The following HNRNPU variants were observed in gnomAD, a reference collection of about 807,000 sequenced individuals.
HNRNPU encodes the protein HNRNPU antisense RNA 1.
Under a neutral mutation model 94.7 loss-of-function variants are expected in HNRNPU, and 5 were observed. The ratio of observed to expected loss-of-function variants is 0.05; its 90% CI spans 0.03 to 0.11. The LOEUF is 0.11. Among genes scored for constraint, HNRNPU ranks in the 10% least tolerant of loss-of-function variants. The probability of loss-of-function intolerance (pLI) is 1.00; values close to 1 mark genes in which losing one functional copy is unlikely to be tolerated. For missense variants in HNRNPU, 710 were observed against 1,049.2 expected (o/e 0.68, Z 4.47); for synonymous variants, 434 against 381.6 (o/e 1.14, Z -1.60).
chr1:244,859,551 A>G (rs1464439641), intron 4 of HNRNPU, 177 bp from the exon 5 acceptor site: 1 of 426,082 alleles, frequency 2.3e-6, no homozygotes, highest in African/African-American at 2.0e-5. Flanking sequence ...TATAACTTGA[A>G]ATTTAAAGAG....
intron 5 of HNRNPU, 28 bp downstream of exon 5, chr1:244,859,247 G>A (rs761881873): frequency 3.5e-6 from 4 of 1,128,370 alleles, no homozygotes; most frequent in East Asian, 2.3e-5. Context: ...ACATTCATGA[G>A]CCCACATCAG....
rs1484644444 is a variant in HNRNPU, at chr1:244,851,522, G to A, written c.*2928C>T. On this transcript the variant is annotated 3_prime_UTR_variant, in exon 14 of 14. Transcript: ENST00000640218. ...GAAAGTCCCTTAAAACACTATTATG[G>A]TTATGTTTCCTAGAATAATTTTATA... 1.3e-5 allele frequency: 2 copies of A among 152,106 alleles called. No homozygotes were observed. Among genetic ancestry groups the A allele is most frequent in the African/African-American group, 4.8e-5 (2 of 41,408 alleles). The allele number at this position is 152,106 out of a possible 1,614,324, so 9.4% of individuals were successfully genotyped here.
rs1335390040 is a variant in HNRNPU, at chr1:244,853,092, G to C, written c.*1358C>G. On this transcript the variant is annotated 3_prime_UTR_variant, in exon 14 of 14. Coordinates refer to ENST00000640218, the MANE Select transcript of HNRNPU (RefSeq NM_031844.3). ...ATATGTATATAAAATAATCAGTTGA[G>C]GACAGCATTAGCATTCTGTAAAGAT... 6.6e-6 allele frequency: 1 copy of C among 152,382 alleles called. No homozygotes were observed. The highest frequency in any genetic ancestry group is 1.9e-4 in the East Asian group (1 of 5,200). The allele number at this position is 152,382 out of a possible 1,614,324, so 9.4% of individuals were successfully genotyped here.
rs762536063 is a variant in HNRNPU at position 244,863,939 on chromosome 1, C to G, written c.369G>C (p.Glu123Asp). 6.2e-7 allele frequency: 1 copy of G among 1,613,722 alleles called. No individual in the cohort carries two copies. Among genetic ancestry groups the G allele is most frequent in the Non-Finnish European group, 8.5e-7 (1 of 1,179,942 alleles). ...TCTCGTCTTCCGAGGCGGCCTCCTC[C>G]TCCTCCATCGGGCCCGAGTCGGCCG... is the stretch of plus-strand genomic sequence containing the variant. ...AGAADSGPME[E>D]EEAASEDENG... The change falls in exon 1 of 14, where the codon GAG becomes GAC. Residue 123 changes from glutamate (E) to aspartate (D), a missense_variant. This residue lies in a region of HNRNPU where 292 missense variants were observed against 293.4 expected (regional missense o/e 1.00). Transcript: ENST00000640218.
chr1:244,862,850 G>A (rs954649871), intron 1 of HNRNPU, 120 bp from the exon 2 acceptor site: 18 of 734,712 alleles, frequency 2.4e-5, no homozygotes, highest in East Asian at 1.5e-4. Context: ...TTTAACCGAG[G>A]ACTCAAATGT....
Position 244,854,475 on chromosome 1 carries a change from T to C in HNRNPU, c.2453A>G (p.Gln818Arg). 1 of 1,609,274 alleles carries C rather than the reference T, an allele frequency of 6.2e-7. No homozygotes were observed. The highest frequency in any genetic ancestry group is 8.5e-7 in the Non-Finnish European group (1 of 1,175,916). Residue 818 changes from glutamine (Q) to arginine (R), a missense_variant, in exon 14 of 14, where the codon CAG becomes CGG. By Grantham distance (43) the Gln-to-Arg change is conservative (BLOSUM62 1). Coordinates refer to ENST00000640218, the MANE Select transcript of HNRNPU (RefSeq NM_031844.3). ...GQFWGQKPWS[Q>R]HYHQGYY ...TCAATAATATCCTTGGTGATAATGC[T>C]GACTCCATGGCTTCTGACCCCAGAA...
At chr1:244,863,031 C>T (rs1370917631) in intron 1 of HNRNPU, 1 of 335,286 alleles carries the variant, frequency 3.0e-6, no homozygotes, top group Non-Finnish European at 5.5e-6. Context: ...GGGGAGGGGC[C>T]GAGCCCGGCG....
Position 244,854,478 on chromosome 1 carries a change from C to T in HNRNPU, c.2450G>A (p.Ser817Asn). The change falls in exon 14 of 14, where the codon AGT becomes AAT. Residue 817 changes from serine to asparagine, a missense_variant. Physicochemically the swap from Ser to Asn is conservative, Grantham distance 46. Around this residue, in one of 8 missense-constraint regions of HNRNPU, gnomAD observed 152 missense variants for 238.9 expected, o/e 0.64. Transcript: ENST00000640218. ...QGQFWGQKPW[S>N]QHYHQGYY The stretch of plus-strand genomic sequence containing the variant: ...ATAATATCCTTGGTGATAATGCTGA[C>T]TCCATGGCTTCTGACCCCAGAATTG... The T allele has an allele frequency of 6.2e-7, 1 of 1,609,158 alleles. No individual in the cohort carries two copies. Among genetic ancestry groups the T allele is most frequent in the South Asian group, 1.1e-5 (1 of 90,930 alleles).
In HNRNPU at chr1:244,864,224, C is replaced by T. The variant is rs750475245; in HGVS notation, c.84G>A (p.Lys28=). 3 of 1,612,790 alleles carry T rather than the reference C, an allele frequency of 1.9e-6. No individual in the cohort carries two copies. Among genetic ancestry groups the T allele is most frequent in the Non-Finnish European group, 2.5e-6 (3 of 1,179,602 alleles). Residue 28 remains lysine, a synonymous_variant, in exon 1 of 14, where the codon AAG becomes AAA. Transcript: ENST00000640218. ...GCTCCATGAGCTCGGCCTTGAGACC[C>T]TTGTCAGAAAGGCGTCGCTTCTTGA... is the stretch of plus-strand genomic sequence containing the variant. The part of the protein sequence containing the change: ...EELKKRRLSD[K]GLKAELMERL...
At chr1:244,862,437 T>A in intron 3 of HNRNPU, 24 bp downstream of exon 3, 3 of 1,411,668 alleles carry the variant, frequency 2.1e-6, no homozygotes, top group Non-Finnish European at 9.8e-7. Context: ...CATTTCATAA[T>A]TGGGGAGAAA....
At chr1:244,862,787 T>C (rs1353993854) in intron 1 of HNRNPU, 57 bp from the exon 2 acceptor site, 1 of 1,323,364 alleles carries the variant, frequency 7.6e-7, no homozygotes, top group Non-Finnish European at 1.1e-6. Context: ...AAAAACGCTT[T>C]TCCGTTCCGA....
chr1:244,858,921 G>A (rs900595008), intron 5 of HNRNPU, 80 bp from the exon 6 acceptor site: 9 of 696,898 alleles, frequency 1.3e-5, no homozygotes, highest in Non-Finnish European at 2.0e-5. Context: ...TAAGATGTAG[G>A]CTACAAGAGA....
At position 244,855,598 on chromosome 1, in the gene HNRNPU, A is replaced by G; in HGVS notation, c.2178T>C (p.Asn726=). 1 of 1,613,906 alleles carries G rather than the reference A, an allele frequency of 6.2e-7. No homozygotes were observed. The highest frequency in any genetic ancestry group is 8.5e-7 in the Non-Finnish European group (1 of 1,179,908). Residue 726 remains asparagine, a synonymous_variant, in exon 12 of 14, where the codon AAT becomes AAC. Transcript: ENST00000640218. ...TGCCCCTCCTATTATATCCGCCACG[A>G]TTCCCAGGGGCTAAAAGACAAGAGC... ...GGNFRGGAPG[N]RGGYNRRGNM... is the part of the protein sequence containing the mutation.
Position 244,855,084 on chromosome 1 carries a change from T to C in HNRNPU, c.2353-40A>G, listed in dbSNP as rs368197635. ...TACTCTCTAAGAGCTCTGAGCCCAATTGCTTGTTAGGTTTGTGGGGGTGAG... is the reference window on the plus strand; with the variant it reads ...TACTCTCTAAGAGCTCTGAGCCCAACTGCTTGTTAGGTTTGTGGGGGTGAG... On this transcript the variant is annotated intron_variant, in intron 12 of 13. Transcript: ENST00000640218. 1.8e-5 allele frequency: 27 copies of C among 1,521,070 alleles called. No homozygotes were observed. In the African/African-American group the frequency reaches 3.0e-4, roughly 17 times the overall value. 94.2% of individuals were successfully genotyped at this position (1,521,070 alleles called of 1,614,324 possible). A position where few individuals can be genotyped will look rare whatever the true frequency, so the allele number is the denominator to read the frequency against.
intron 12 of HNRNPU, 101 bp from the exon 13 acceptor site, chr1:244,855,145 A>C: frequency 3.3e-6 from 3 of 913,100 alleles, no homozygotes; most frequent in Non-Finnish European, 5.4e-6. Flanking sequence ...GCTAGCCCCT[A>C]ATCTTAGGTA....
At chr1:244,861,922 C>A (rs1361071942) in intron 3 of HNRNPU, 1 of 152,942 alleles carries the variant, frequency 6.5e-6, no homozygotes, top group Non-Finnish European at 1.5e-5. Flanking sequence ...CTGCTGCTGC[C>A]TCAGGTCTTT....
rs2102990989 is a variant in HNRNPU, at chr1:244,864,171, T to G, written c.137A>C (p.Glu46Ala). The change falls in exon 1 of 14, where the codon GAG (glutamate) becomes GCG (alanine). Residue 46 changes from glutamate (E) to alanine (A), a missense_variant. Transcript: ENST00000640218. ...ERLQAALDDE[E>A]AGGRPAMEPG... Reference sequence around the variant, plus strand: ...CTCCATGGCGGGGCGGCCCCCGGCCTCCTCGTCGTCCAGCGCAGCCTGGAG... The same window carrying G: ...CTCCATGGCGGGGCGGCCCCCGGCCGCCTCGTCGTCCAGCGCAGCCTGGAG... 6.2e-7 allele frequency: 1 copy of G among 1,606,416 alleles called. No individual in the cohort carries two copies. Among genetic ancestry groups the G allele is most frequent in the Non-Finnish European group, 8.5e-7 (1 of 1,176,926 alleles).
rs771024947 is a variant in HNRNPU, at chr1:244,860,318, C to A, written c.1017+17G>T. The A allele has an allele frequency of 6.2e-7, 1 of 1,603,312 alleles. No individual in the cohort carries two copies. The highest frequency in any genetic ancestry group is 8.5e-7 in the Non-Finnish European group (1 of 1,174,582). ...TGTCTCCACAAACAAACAAACAAATCATAAAATTGCATTTACCTTCATCTC... is the reference window on the plus strand; with the variant it reads ...TGTCTCCACAAACAAACAAACAAATAATAAAATTGCATTTACCTTCATCTC... On this transcript the variant is annotated intron_variant, in intron 4 of 13. Coordinates refer to ENST00000640218, the MANE Select transcript of HNRNPU (RefSeq NM_031844.3).
intron 4 of HNRNPU, chr1:244,859,605 T>G (rs1680774008): frequency 6.2e-6 from 2 of 325,064 alleles, no homozygotes; most frequent in South Asian, 1.2e-4. Context: ...ACTTAATATT[T>G]TTAAAGTTCA....
Sources: allele counts gnomAD v4.1 joint callset, GRCh38; gene constraint gnomAD v4.1.1; regional missense constraint gnomAD v4.1.1; transcripts MANE v1.5; gene names NCBI Gene and HGNC (gene_info 2026-07-23, HGNC 2026-07-21).